Variants in NALF1 observed in about 807,000 individuals in gnomAD.
NALF1 encodes the protein NALCN channel auxiliary factor 1, also known as family with sequence similarity 155 member A.
Under a neutral mutation model 48.4 loss-of-function variants are expected in NALF1, and 3 were observed. That is an observed-to-expected ratio of 0.06 (90% CI 0.03 to 0.16). NALF1 has a LOEUF of 0.16. NALF1 is among the 10% of genes least tolerant of loss of function. The probability of loss-of-function intolerance (pLI) is 1.00; values close to 1 mark genes in which losing one functional copy is unlikely to be tolerated. For missense variants in NALF1, 526 were observed against 571.5 expected (o/e 0.92, Z 0.81); for synonymous variants, 262 against 245.7 (o/e 1.07, Z -0.62).
intron 1 of NALF1, among the ~76,000 whole-genome samples, chr13:107,537,954 T>C (rs776641610): frequency 6.6e-5 from 10 of 151,902 alleles, no homozygotes; most frequent in East Asian, 1.9e-4. Flanking sequence ...CAGGTGGAGG[T>C]TGCAGTGAGC....
chr13:107,849,514 A>G (rs1193121671), intron 1 of NALF1, among the ~76,000 whole-genome samples: 1 of 152,182 alleles, frequency 6.6e-6, no homozygotes, highest in Non-Finnish European at 1.5e-5. Context: ...CCGAGACTGT[A>G]TGAAGAAGCC....
intron 1 of NALF1, among the ~76,000 whole-genome samples, chr13:107,218,331 G>A (rs985988830): frequency 1.3e-5 from 2 of 152,192 alleles, no homozygotes; most frequent in South Asian, 2.1e-4. Context: ...CTCTTGGAAT[G>A]AAGGCCAAGC....
At chr13:107,288,833 C>T (rs947231472) in intron 1 of NALF1, among the ~76,000 whole-genome samples, 2 of 151,910 alleles carry the variant, frequency 1.3e-5, no homozygotes, top group East Asian at 3.9e-4. Flanking sequence ...GCGCCCAGCC[C>T]AGAAAACATT....
intron 1 of NALF1, among the ~76,000 whole-genome samples, chr13:107,581,396 T>G (rs1878304172): frequency 6.6e-6 from 1 of 152,216 alleles, no homozygotes; most frequent in Non-Finnish European, 1.5e-5. Context: ...CTACTTAGCA[T>G]TTGTCTTAAT....
chr13:107,242,286 C>G (rs1360779716), intron 1 of NALF1, among the ~76,000 whole-genome samples: 1 of 152,194 alleles, frequency 6.6e-6, no homozygotes, highest in Non-Finnish European at 1.5e-5. Flanking sequence ...GCCGAGTGTC[C>G]TCACAGTGCG....
intron 1 of NALF1, among the ~76,000 whole-genome samples, chr13:107,436,689 T>C (rs1884469082): frequency 6.6e-6 from 1 of 152,162 alleles, no homozygotes; most frequent in Admixed American, 6.6e-5. Context: ...ATGTCCACTT[T>C]CATCACTTTT....
At chr13:107,695,537 CACCT>C (rs1175849679) in intron 1 of NALF1, among the ~76,000 whole-genome samples, 3 of 152,142 alleles carry the variant, frequency 2.0e-5, no homozygotes, top group Non-Finnish European at 4.4e-5. Context: ...CCTACTTAGA[CACCT>C]ACCTAATTTA....
At chr13:107,862,462 T>G (rs1239660585) in intron 1 of NALF1, among the ~76,000 whole-genome samples, 1 of 152,078 alleles carries the variant, frequency 6.6e-6, no homozygotes, top group East Asian at 1.9e-4. Flanking sequence ...CACTGTAAAC[T>G]ACAGGGGAAA....
At chr13:107,776,001 T>C (rs1474042860) in intron 1 of NALF1, among the ~76,000 whole-genome samples, 1 of 152,196 alleles carries the variant, frequency 6.6e-6, no homozygotes. Flanking sequence ...AAGTTGACCT[T>C]GTTTTTCTCT....
chr13:107,478,273 C>G (rs1267719276), intron 1 of NALF1, among the ~76,000 whole-genome samples: 1 of 152,042 alleles, frequency 6.6e-6, no homozygotes, highest in East Asian at 1.9e-4. Context: ...TTGCAAAACT[C>G]AAAATACTTG....
intron 1 of NALF1, among the ~76,000 whole-genome samples, chr13:107,544,719 T>C (rs950210218): frequency 2.6e-5 from 4 of 152,204 alleles, no homozygotes; most frequent in African/African-American, 7.2e-5. Flanking sequence ...AAGCCTATTA[T>C]TGACACCAAC....
At chr13:107,785,017 CATCA>C (rs1279286249) in intron 1 of NALF1, among the ~76,000 whole-genome samples, 10 of 151,738 alleles carry the variant, frequency 6.6e-5, no homozygotes, top group Non-Finnish European at 1.5e-4. Flanking sequence ...CCAAATGCCC[CATCA>C]ATCAACGAGT....
chr13:107,556,062 C>T (rs969086767), intron 1 of NALF1, among the ~76,000 whole-genome samples: 8 of 151,710 alleles, frequency 5.3e-5, no homozygotes, highest in Admixed American at 3.3e-4. Context: ...CTCTTCAAAA[C>T]AGAGATATAT....
chr13:107,420,031 G>A (rs573938685), intron 1 of NALF1, among the ~76,000 whole-genome samples: 3 of 152,178 alleles, frequency 2.0e-5, no homozygotes, highest in African/African-American at 2.4e-5. Context: ...TTTAAACTCC[G>A]GGAAGCCATT....
At chr13:107,503,905 A>G (rs1039495854) in intron 1 of NALF1, among the ~76,000 whole-genome samples, 43 of 149,918 alleles carry the variant, frequency 2.9e-4, no homozygotes, top group African/African-American at 9.7e-4. Context: ...AAAATATTGC[A>G]TCTTCTCACT....
At chr13:107,620,793 G>T (rs1879498930) in intron 1 of NALF1, among the ~76,000 whole-genome samples, 1 of 152,214 alleles carries the variant, frequency 6.6e-6, no homozygotes, top group South Asian at 2.1e-4. Flanking sequence ...ATGTGACAGA[G>T]AAGTCTGGAA....
In NALF1 at chr13:107,167,752, G is replaced by A. The variant is rs1006156741; in HGVS notation, c.*2745C>T. The A allele has an allele frequency of 1.1e-5, 1 of 90,792 alleles. No individual in the cohort carries two copies. Among genetic ancestry groups the A allele is most frequent in the Non-Finnish European group, 2.2e-5 (1 of 46,156 alleles). The allele number at this position is 90,792 out of a possible 1,614,324, so 5.6% of individuals were successfully genotyped here. On this transcript the variant is annotated 3_prime_UTR_variant, in exon 3 of 3. Coordinates refer to ENST00000375915, the MANE Select transcript of NALF1 (RefSeq NM_001080396.3). ...AGTGTTTCTCCCAACTTTCAAAGCT[G>A]TGTTTTTTTTTGGGGGGTGGGGGGC...
chr13:107,658,733 C>A (rs1383737582), intron 1 of NALF1, among the ~76,000 whole-genome samples: 1 of 152,080 alleles, frequency 6.6e-6, no homozygotes, highest in East Asian at 1.9e-4. Flanking sequence ...CTCATTGAAG[C>A]CTTCTTACCC....
At chr13:107,388,517 G>A (rs900766623) in intron 1 of NALF1, among the ~76,000 whole-genome samples, 3 of 152,058 alleles carry the variant, frequency 2.0e-5, no homozygotes, top group Non-Finnish European at 2.9e-5. Flanking sequence ...ATATATCTGA[G>A]AAAGCACACA....
Sources: gnomAD v4.1 joint callset for allele counts (sites outside exome capture counted in the v4.1 genomes callset) on GRCh38, gnomAD v4.1.1 for gene constraint, MANE v1.5 for transcripts, NCBI Gene and HGNC (gene_info 2026-07-23, HGNC 2026-07-21) for gene names.